The following DECR1 variants were observed in gnomAD, a reference collection of about 807,000 sequenced individuals.
DECR1 encodes the protein 2,4-dienoyl-CoA reductase 1.
In DECR1, 44 loss-of-function variants were observed where a neutral mutation model predicts 38.8. The observed-to-expected ratio is 1.13, with a 90% CI of 0.89 to 1.46. The LOEUF (loss-of-function observed/expected upper bound fraction) is 1.46. DECR1 is among the 40% of genes most tolerant of loss of function. The pLI is 0.00. For synonymous variants in DECR1, 148 were observed against 135.2 expected (o/e 1.09, Z -0.66); for missense variants, 428 against 405.5 (o/e 1.06, Z -0.48).
chr8:90,008,949 A>G (rs1024202568), intron 1 of DECR1, among the ~76,000 whole-genome samples: 1 of 152,158 alleles, frequency 6.6e-6, no homozygotes, highest in Non-Finnish European at 1.5e-5. Flanking sequence ...GGCTTGTTAT[A>G]CAAGTGTCCT....
chr8:90,017,089 A>G, intron 1 of DECR1, 35 bp from the exon 2 acceptor site: 4 of 1,482,920 alleles, frequency 2.7e-6, no homozygotes, highest in Non-Finnish European at 3.7e-6. Context: ...TTGGAAATAT[A>G]TGTATGCAAA....
chr8:90,027,734 G>T (rs1177574577), intron 5 of DECR1, among the ~76,000 whole-genome samples: 3 of 151,220 alleles, frequency 2.0e-5, no homozygotes, highest in Admixed American at 2.0e-4. Context: ...GATTTATATT[G>T]TTATGTGTGA....
At chr8:90,036,745 C>G (rs565991965) in intron 5 of DECR1, 96 bp from the exon 6 acceptor site, 20 of 734,074 alleles carry the variant, frequency 2.7e-5, no homozygotes, top group East Asian at 8.1e-5. Flanking sequence ...TTTCTTATAC[C>G]CTCTTTAATC....
Position 90,023,731 on chromosome 8 carries a change from A to G in DECR1, c.565+2675A>G, listed in dbSNP as rs547494744. Among the ~76,000 whole-genome samples the G allele has an allele frequency of 3.3e-5, 5 of 151,920 alleles. No individual in the cohort carries two copies. In the South Asian group the frequency reaches 1.0e-3, roughly 31 times the overall value. On this transcript the variant is annotated intron_variant, in intron 5 of 9. Transcript: ENST00000220764. ...AGTTTGCTGATAGCTTTTTTTTATT[A>G]TTACACTTTAAGTTCTAGGGTACAT...
At chr8:90,044,415 T>C (rs1276986778) in intron 7 of DECR1, among the ~76,000 whole-genome samples, 1 of 152,246 alleles carries the variant, frequency 6.6e-6, no homozygotes, top group South Asian at 2.1e-4. Flanking sequence ...ATTGAATTTC[T>C]ACCTACTTGT....
chr8:90,019,275 G>A, intron 4 of DECR1, 103 bp downstream of exon 4: 1 of 952,930 alleles, frequency 1.0e-6, no homozygotes, highest in Non-Finnish European at 1.6e-6. Context: ...TGTAGGACAG[G>A]CAAGCCCGAA....
At chr8:90,027,701 G>C in intron 5 of DECR1, among the ~76,000 whole-genome samples, 1 of 151,678 alleles carries the variant, frequency 6.6e-6, no homozygotes. Context: ...TTTAATTGGA[G>C]CATTTAGCCC....
intron 5 of DECR1, among the ~76,000 whole-genome samples, chr8:90,023,923 T>G (rs368531746): frequency 6.6e-6 from 1 of 152,104 alleles, no homozygotes; most frequent in South Asian, 2.1e-4. Context: ...TGTGTCCAAG[T>G]GTTCTTATTG....
Position 90,042,771 on chromosome 8 carries a change from G to A in DECR1, c.709G>A (p.Val237Met), listed in dbSNP as rs772975367. The A allele has an allele frequency of 2.5e-6, 4 of 1,613,446 alleles. No homozygotes were observed. Among genetic ancestry groups the A allele is most frequent in the Admixed American group, 1.7e-5 (1 of 59,984 alleles). Residue 237 changes from valine (V) to methionine (M), a missense_variant, in exon 7 of 10, where the codon GTG (valine) becomes ATG (methionine). Val to Met is a conservative substitution (Grantham distance 21, BLOSUM62 1). Transcript: ENST00000220764. ...EWGKYGMRFN[V>M]IQPGPIKTKG... Reference sequence around the variant, plus strand: ...GGGTAAATATGGAATGCGATTCAATGTGATTCAACCAGGGCCTATAAAAAC... The same window carrying A: ...GGGTAAATATGGAATGCGATTCAATATGATTCAACCAGGGCCTATAAAAAC...
chr8:90,028,828 T>C (rs899858728), intron 5 of DECR1, among the ~76,000 whole-genome samples: 7 of 152,058 alleles, frequency 4.6e-5, no homozygotes, highest in African/African-American at 1.4e-4. Flanking sequence ...TTGTTCTAAG[T>C]GCTAAATACT....
Position 90,049,567 on chromosome 8 carries a change from A to G in DECR1, c.886-2110A>G, listed in dbSNP as rs150823851. On this transcript the variant is annotated intron_variant, in intron 8 of 9. Coordinates refer to ENST00000220764, the MANE Select transcript of DECR1 (RefSeq NM_001359.2). ...GGAAGAACATTCCATGCTCATGGAT[A>G]GGAAGAATCAATGTGTGAAAATGGC... Among the ~76,000 whole-genome samples the G allele has an allele frequency of 9.6e-3, 1,461 of 152,352 alleles. 25 individuals are homozygous for G. Among genetic ancestry groups the G allele is most frequent in the African/African-American group, 0.034 (1,411 of 41,586 alleles).
chr8:90,042,538 A>G, intron 6 of DECR1, 190 bp from the exon 7 acceptor site: 1 of 590,658 alleles, frequency 1.7e-6, no homozygotes. Context: ...TGGCCATATG[A>G]CATAGAGAAA....
rs190850637 is a variant in DECR1 at position 90,004,244 on chromosome 8, G to A, written c.69+2683G>A. ...AGGCTGAGGCAGGAGCTACTCAGGA[G>A]GCTGAGGCAGGAGAATCACTTGAAC... On this transcript the variant is annotated intron_variant, in intron 1 of 9. Transcript: ENST00000220764. 2.0e-5 allele frequency among the ~76,000 whole-genome samples: 3 copies of A among 152,000 alleles called. No homozygotes were observed. The East Asian group carries it at 5.8e-4, about 29-fold the overall frequency.
Position 90,007,798 on chromosome 8 carries a change from G to A in DECR1, c.69+6237G>A, listed in dbSNP as rs540759159. Among the ~76,000 whole-genome samples the A allele has an allele frequency of 2.9e-3, 437 of 152,260 alleles. 2 individuals are homozygous for A. The highest frequency in any genetic ancestry group is 8.9e-3 in the South Asian group (43 of 4,828). On this transcript the variant is annotated intron_variant, in intron 1 of 9. Transcript: ENST00000220764. The stretch of plus-strand genomic sequence containing the variant: ...TGCAATAGATGTTTAGCAACTTTTA[G>A]TTTTTGCAGAAAATTCTAGGTAGAA...
At chr8:90,034,741 T>C (rs1813578766) in intron 5 of DECR1, among the ~76,000 whole-genome samples, 1 of 152,184 alleles carries the variant, frequency 6.6e-6, no homozygotes, top group Non-Finnish European at 1.5e-5. Flanking sequence ...CATGAGCCAC[T>C]GTGCCTGGCC....
At chr8:90,005,098 G>A (rs1290462688) in intron 1 of DECR1, among the ~76,000 whole-genome samples, 1 of 152,128 alleles carries the variant, frequency 6.6e-6, no homozygotes, top group African/African-American at 2.4e-5. Flanking sequence ...ATAGACCTAA[G>A]GAATAGCATG....
intron 1 of DECR1, among the ~76,000 whole-genome samples, chr8:90,012,156 C>CTTTTTTTTTT: frequency 7.2e-6 from 1 of 138,688 alleles, no homozygotes; most frequent in Non-Finnish European, 1.6e-5. Context: ...CTTTTCTTTT[C>CTTTTTTTTTT]TTTTTTTTTT....
At chr8:90,035,037 T>G (rs1436995445) in intron 5 of DECR1, among the ~76,000 whole-genome samples, 4 of 152,174 alleles carry the variant, frequency 2.6e-5, no homozygotes, top group Non-Finnish European at 5.9e-5. Flanking sequence ...AAAATATAAC[T>G]CCATTGTCTT....
chr8:90,015,521 T>C (rs530823467), intron 1 of DECR1: 41 of 393,166 alleles, frequency 1.0e-4, no homozygotes, highest in South Asian at 7.7e-4. Flanking sequence ...ATTATAAACA[T>C]TTTCTTGTGC....
Sources: gnomAD v4.1 joint callset for allele counts (sites outside exome capture counted in the v4.1 genomes callset) on GRCh38, gnomAD v4.1.1 for gene constraint, MANE v1.5 for transcripts, NCBI Gene and HGNC (gene_info 2026-07-23, HGNC 2026-07-21) for gene names.